The following CPQ variants were observed in gnomAD, a reference collection of about 807,000 sequenced individuals.
CPQ encodes Ser-Met dipeptidase.
Under a neutral mutation model 45.7 loss-of-function variants are expected in CPQ, and 37 were observed. That is an observed-to-expected ratio of 0.81 (90% CI 0.62 to 1.07). The LOEUF (loss-of-function observed/expected upper bound fraction) is 1.07, where lower values mean the gene tolerates loss of function less well. Ranked by LOEUF, CPQ falls within the 50% of genes least tolerant of loss-of-function variation. The pLI, the probability that CPQ is intolerant of heterozygous loss-of-function variation, is 0.00. For missense variants in CPQ, 537 were observed against 572.9 expected (o/e 0.94, Z 0.64); for synonymous variants, 186 against 205.8 (o/e 0.90, Z 0.82).
At chr8:97,006,292 T>G (rs945208460) in intron 5 of CPQ, among the ~76,000 whole-genome samples, 17 of 151,426 alleles carry the variant, frequency 1.1e-4, no homozygotes, top group African/African-American at 4.1e-4. Flanking sequence ...AGTTGAGTTG[T>G]TTTTTTTTAA....
At chr8:96,836,468 T>G (rs1302703364) in intron 3 of CPQ, among the ~76,000 whole-genome samples, 1 of 152,174 alleles carries the variant, frequency 6.6e-6, no homozygotes, top group Non-Finnish European at 1.5e-5. Context: ...AAAAATAATG[T>G]TCTTTGCGGG....
At chr8:97,046,055 C>T (rs1388243209) in intron 6 of CPQ, among the ~76,000 whole-genome samples, 2 of 152,156 alleles carry the variant, frequency 1.3e-5, no homozygotes, top group Non-Finnish European at 2.9e-5. Context: ...TTTCTTTCTG[C>T]TACTCATCTT....
intron 5 of CPQ, among the ~76,000 whole-genome samples, chr8:96,998,289 T>C (rs921507768): frequency 6.6e-6 from 1 of 151,756 alleles, no homozygotes; most frequent in African/African-American, 2.4e-5. Flanking sequence ...AGACAACCGA[T>C]TGAAATGATT....
At chr8:96,821,807 A>T (rs1811311309) in intron 2 of CPQ, among the ~76,000 whole-genome samples, 2 of 151,926 alleles carry the variant, frequency 1.3e-5, no homozygotes, top group South Asian at 4.1e-4. Context: ...ACAAGTAAAA[A>T]TTATATGATT....
At chr8:97,022,088 C>G (rs1809698112) in intron 5 of CPQ, among the ~76,000 whole-genome samples, 1 of 152,154 alleles carries the variant, frequency 6.6e-6, no homozygotes, top group East Asian at 1.9e-4. Context: ...CAAATACTTA[C>G]AGCCAACTGA....
intron 4 of CPQ, among the ~76,000 whole-genome samples, chr8:96,935,689 A>G (rs1301591811): frequency 6.6e-6 from 1 of 152,178 alleles, no homozygotes; most frequent in African/African-American, 2.4e-5. Flanking sequence ...TTGGGGTACC[A>G]TGGAAAGGCC....
chr8:96,837,326 G>C (rs1372409045), intron 3 of CPQ, among the ~76,000 whole-genome samples: 1 of 152,014 alleles, frequency 6.6e-6, no homozygotes, highest in Non-Finnish European at 1.5e-5. Flanking sequence ...CCTGGCTTTT[G>C]CCAATACTGA....
chr8:96,779,199 GA>G (rs1810654859), intron 1 of CPQ, among the ~76,000 whole-genome samples: 1 of 152,000 alleles, frequency 6.6e-6, no homozygotes, highest in African/African-American at 2.4e-5. Flanking sequence ...GGTCCCTCTA[GA>G]AAGGGTACCA....
At chr8:96,804,877 A>C (rs1811059317) in intron 2 of CPQ, among the ~76,000 whole-genome samples, 1 of 151,810 alleles carries the variant, frequency 6.6e-6, no homozygotes, top group Admixed American at 6.6e-5. Context: ...CATTTTCTAT[A>C]CTTAATTTGG....
At chr8:96,781,887 T>C (rs1286831387) in intron 1 of CPQ, among the ~76,000 whole-genome samples, 1 of 152,130 alleles carries the variant, frequency 6.6e-6, no homozygotes, top group African/African-American at 2.4e-5. Context: ...TCCAAGTAAG[T>C]CCAAAACCCA....
At position 97,113,470 on chromosome 8, in the gene CPQ, C is replaced by G. The variant is rs540255425; in HGVS notation, c.1256-29550C>G. Among the ~76,000 whole-genome samples, 3 of 152,296 alleles carry G rather than the reference C, an allele frequency of 2.0e-5. No homozygotes were observed. The South Asian group carries it at 6.2e-4, about 32-fold the overall frequency. ...AAAGCAAATAATTAGAATATAGGCA[C>G]AGTGTTTACTGACTTAAACACTTAA... is the stretch of plus-strand genomic sequence containing the variant. On this transcript the variant is annotated intron_variant, in intron 7 of 7. Transcript: ENST00000220763.
intron 4 of CPQ, among the ~76,000 whole-genome samples, chr8:96,952,234 A>T (rs991926235): frequency 6.6e-6 from 1 of 152,152 alleles, no homozygotes; most frequent in Non-Finnish European, 1.5e-5. Context: ...ATACAGAGGG[A>T]TATGATTGAA....
At chr8:96,715,217 T>C (rs1220804410) in intron 1 of CPQ, among the ~76,000 whole-genome samples, 4 of 152,100 alleles carry the variant, frequency 2.6e-5, no homozygotes, top group Non-Finnish European at 5.9e-5. Flanking sequence ...CTAGCCTTGA[T>C]AGAGGAGGCT....
chr8:96,747,013 A>G (rs933493862), intron 1 of CPQ, among the ~76,000 whole-genome samples: 1 of 152,158 alleles, frequency 6.6e-6, no homozygotes, highest in Non-Finnish European at 1.5e-5. Flanking sequence ...TGTTTGGGCC[A>G]GTCGCAGTGG....
chr8:96,712,638 G>A (rs1363982475), intron 1 of CPQ, among the ~76,000 whole-genome samples: 1 of 152,180 alleles, frequency 6.6e-6, no homozygotes, highest in Non-Finnish European at 1.5e-5. Flanking sequence ...AGCCATAGCT[G>A]GAGCTGAAGC....
intron 5 of CPQ, among the ~76,000 whole-genome samples, chr8:97,024,884 G>A (rs907504606): frequency 6.6e-6 from 1 of 152,184 alleles, no homozygotes; most frequent in Non-Finnish European, 1.5e-5. Flanking sequence ...TGAACTAGTA[G>A]AAAATGAGTA....
At chr8:96,861,670 T>C (rs1053500445) in intron 3 of CPQ, among the ~76,000 whole-genome samples, 7 of 152,122 alleles carry the variant, frequency 4.6e-5, no homozygotes, top group African/African-American at 1.4e-4. Context: ...TATGTTTAAA[T>C]CCATATTTAT....
At position 96,967,493 on chromosome 8, in the gene CPQ, G is replaced by T. The variant is rs546088107; in HGVS notation, c.961+1447G>T. Among the ~76,000 whole-genome samples, 149 of 152,274 alleles carry T rather than the reference G, an allele frequency of 9.8e-4. 1 individual carries two copies. Among genetic ancestry groups the T allele is most frequent in the African/African-American group, 2.6e-3 (106 of 41,560 alleles). On this transcript the variant is annotated intron_variant, in intron 5 of 7. Transcript: ENST00000220763. The stretch of plus-strand genomic sequence containing the variant: ...TTGAATCTTACTTCTTCGGTATTCA[G>T]CATGGGACCCTAAATCACTGTTAAT...
intron 3 of CPQ, among the ~76,000 whole-genome samples, chr8:96,843,484 T>G (rs764973748): frequency 6.6e-6 from 1 of 152,164 alleles, no homozygotes; most frequent in African/African-American, 2.4e-5. Flanking sequence ...ATTGAAGCTG[T>G]CTGGTTGGGA....
Sources: allele counts gnomAD v4.1 joint callset (sites outside exome capture counted in the v4.1 genomes callset), GRCh38; gene constraint gnomAD v4.1.1; transcripts MANE v1.5; gene names NCBI Gene and HGNC (gene_info 2026-07-23, HGNC 2026-07-21).